Variants in RAB19 observed in about 807,000 individuals in gnomAD.
The protein encoded by RAB19 is RAB19, member RAS oncogene family, also known as ras-related protein Rab-19.
A neutral mutation model predicts 17.3 loss-of-function variants in RAB19; 21 were observed. The observed-to-expected ratio is 1.21, with a 90% CI of 0.86 to 1.74. The LOEUF (loss-of-function observed/expected upper bound fraction) is 1.74, where lower values mean the gene tolerates loss of function less well. RAB19 is among the 40% of genes most tolerant of loss of function. RAB19 has a pLI of 0.00. For synonymous variants in RAB19, 126 were observed against 110.4 expected, an observed-to-expected ratio of 1.14 and a Z score of -0.88; for missense variants, 277 against 286.8, an observed-to-expected ratio of 0.97 and a Z score of 0.25.
intron 3 of RAB19, among the ~76,000 whole-genome samples, chr7:140,425,397 ACT>A (rs1799645557): frequency 6.6e-6 from 1 of 151,626 alleles, no homozygotes; most frequent in Non-Finnish European, 1.5e-5. Flanking sequence ...AGCATCCAAC[ACT>A]CTGCTGTTTG....
In RAB19 at chr7:140,427,571, C is replaced by A. The variant is rs2885919; in HGVS notation, c.*1421C>A. Among the ~76,000 whole-genome samples the A allele has an allele frequency of 0.021, 3,121 of 151,366 alleles. 98 individuals carry two copies. Among genetic ancestry groups the A allele is most frequent in the African/African-American group, 0.071 (2,939 of 41,178 alleles). ...GATTCAAGTGATTCTCCTGCCTCAA[C>A]CTCCCTAGTAGCTGGGATTACAGCC... On this transcript the variant is annotated 3_prime_UTR_variant, in exon 4 of 4. Coordinates refer to ENST00000537763, the MANE Select transcript of RAB19 (RefSeq NM_001008749.3).
chr7:140,408,983 C>T (rs1377625228), intron 2 of RAB19, among the ~76,000 whole-genome samples: 1 of 152,210 alleles, frequency 6.6e-6, no homozygotes, highest in African/African-American at 2.4e-5. Context: ...CAGTCTCAAA[C>T]TCCTGGGCTC....
intron 3 of RAB19, among the ~76,000 whole-genome samples, chr7:140,421,742 C>G (rs1799566313): frequency 6.6e-6 from 1 of 152,118 alleles, no homozygotes; most frequent in African/African-American, 2.4e-5. Context: ...TCAAGTGATC[C>G]TCTTGCCTCG....
chr7:140,425,533 T>C (rs1419802845), intron 3 of RAB19, among the ~76,000 whole-genome samples: 2 of 151,908 alleles, frequency 1.3e-5, no homozygotes, highest in Non-Finnish European at 2.9e-5. Context: ...AAGACCAGCC[T>C]GGTCAATATG....
At chr7:140,404,853 A>G (rs1799207301) in intron 1 of RAB19, among the ~76,000 whole-genome samples, 1 of 152,222 alleles carries the variant, frequency 6.6e-6, no homozygotes, top group Non-Finnish European at 1.5e-5. Context: ...GCTGCTTCAA[A>G]TATCTGATGG....
At chr7:140,413,143 T>A (rs1799396948) in intron 3 of RAB19, among the ~76,000 whole-genome samples, 1 of 152,114 alleles carries the variant, frequency 6.6e-6, no homozygotes, top group Non-Finnish European at 1.5e-5. Flanking sequence ...GAGACTGTCC[T>A]TTCGCCAACA....
intron 3 of RAB19, among the ~76,000 whole-genome samples, chr7:140,418,683 AC>A (rs1799505930): frequency 2.0e-5 from 3 of 151,388 alleles, no homozygotes; most frequent in Non-Finnish European, 2.9e-5. Context: ...ACATAGGGAG[AC>A]CCGATCTCTA....
intron 3 of RAB19, among the ~76,000 whole-genome samples, chr7:140,416,044 T>G (rs1337389726): frequency 6.6e-6 from 1 of 151,244 alleles, no homozygotes; most frequent in Non-Finnish European, 1.5e-5. Context: ...ATCTTTATTT[T>G]TATTTTTAAA....
At chr7:140,418,309 TG>T (rs1332897891) in intron 3 of RAB19, among the ~76,000 whole-genome samples, 1 of 145,676 alleles carries the variant, frequency 6.9e-6, no homozygotes, top group Non-Finnish European at 1.5e-5. Flanking sequence ...CCTAGCACTT[TG>T]GGAGGCTGAG....
rs34940659 is a variant in RAB19, at chr7:140,427,141, C to CTTTTTT, written c.*1007_*1012dup. Among the ~76,000 whole-genome samples the CTTTTTT allele has an allele frequency of 9.5e-5, 9 of 94,420 alleles. No homozygotes were observed. Among genetic ancestry groups the CTTTTTT allele is most frequent in the Non-Finnish European group, 1.4e-4 (7 of 49,932 alleles). The allele number at this position is 94,420 out of a possible 152,430, so 61.9% of individuals were successfully genotyped here. A position where few individuals can be genotyped will look rare whatever the true frequency, so the allele number is the denominator to read the frequency against. ...ACAGGCATGAGCCACCATGCCTGTT[C>CTTTTTT]TTTTTTTTTTTTTTTTTTTTTGAGA... On this transcript the variant is annotated 3_prime_UTR_variant, in exon 4 of 4. Coordinates refer to ENST00000537763, the MANE Select transcript of RAB19 (RefSeq NM_001008749.3).
intron 2 of RAB19, chr7:140,410,925 G>C: frequency 3.7e-6 from 5 of 1,367,716 alleles, no homozygotes; most frequent in Non-Finnish European, 4.9e-6. Flanking sequence ...AGGTATTATT[G>C]TGAGAACATT....
intron 1 of RAB19, among the ~76,000 whole-genome samples, chr7:140,405,003 A>G (rs867038069): frequency 3.5e-4 from 54 of 152,152 alleles, no homozygotes; most frequent in African/African-American, 1.2e-3. Context: ...ATTTTTCAGG[A>G]GGTAGTCAGT....
chr7:140,411,760 T>C, intron 2 of RAB19, 114 bp from the exon 3 acceptor site: 1 of 1,589,916 alleles, frequency 6.3e-7, no homozygotes, highest in Non-Finnish European at 8.6e-7. Context: ...CTACTGGGTC[T>C]GAATATCTAG....
rs1438213709 is a variant in RAB19, at chr7:140,426,291, G to A, written c.*141G>A. On this transcript the variant is annotated 3_prime_UTR_variant, in exon 4 of 4. Transcript: ENST00000537763. ...CACCCCTAATCCTCCCAGTCTGGAT[G>A]GGCCACACTTCTCCCTTGACTCACA... The A allele has an allele frequency of 3.3e-6, 3 of 921,472 alleles. No individual in the cohort carries two copies. Among genetic ancestry groups the A allele is most frequent in the Non-Finnish European group, 4.8e-6 (3 of 628,674 alleles). The allele number at this position is 921,472 out of a possible 1,614,324, so 57.1% of individuals were successfully genotyped here.
intron 3 of RAB19, among the ~76,000 whole-genome samples, chr7:140,424,738 A>C (rs955993954): frequency 6.6e-6 from 1 of 150,744 alleles, no homozygotes; most frequent in Admixed American, 6.7e-5. Flanking sequence ...AATTGTTTCA[A>C]AATAAAAGGT....
chr7:140,425,416 A>C (rs868239318), intron 3 of RAB19, among the ~76,000 whole-genome samples: 3 of 152,122 alleles, frequency 2.0e-5, no homozygotes, highest in Non-Finnish European at 2.9e-5. Flanking sequence ...TTTGAGGGGG[A>C]GAAAAAGAGA....
chr7:140,425,735 A>AAT, intron 3 of RAB19, 147 bp from the exon 4 acceptor site: 1 of 877,862 alleles, frequency 1.1e-6, no homozygotes, highest in Non-Finnish European at 1.8e-6. Flanking sequence ...AAAAAAAAAA[A>AAT]GAAACAAAAA....
At chr7:140,424,619 C>CTCTCTCTA (rs1417797554) in intron 3 of RAB19, among the ~76,000 whole-genome samples, 7 of 87,890 alleles carry the variant, frequency 8.0e-5, no homozygotes, top group Admixed American at 2.2e-4. Flanking sequence ...CTCTCTCTCT[C>CTCTCTCTA]TATATATATA....
In RAB19 at chr7:140,417,596, G is replaced by T. The variant is rs76543676; in HGVS notation, c.385+5539G>T. Among the ~76,000 whole-genome samples, 886 of 152,244 alleles carry T rather than the reference G, an allele frequency of 5.8e-3. 33 individuals carry two copies. In the East Asian group the frequency reaches 0.11, roughly 18 times the overall value. On this transcript the variant is annotated intron_variant, in intron 3 of 3. Transcript: ENST00000537763. ...AAAACACACGCATGGTTCTCTTGAA[G>T]GTGCATGCTATACGAGCTTCCTGTG... is the stretch of plus-strand genomic sequence containing the variant.
Sources: allele counts gnomAD v4.1 joint callset (sites outside exome capture counted in the v4.1 genomes callset), GRCh38; gene constraint gnomAD v4.1.1; transcripts MANE v1.5; gene names NCBI Gene and HGNC (gene_info 2026-07-23, HGNC 2026-07-21).